Variants in CSPP1 observed in about 807,000 individuals in gnomAD.
CSPP1 encodes centrosome and spindle pole-associated protein 1.
CSPP1 carries 126 observed loss-of-function variants against 164.4 expected under a neutral mutation model. The ratio of observed to expected loss-of-function variants is 0.77; its 90% CI spans 0.66 to 0.89. The LOEUF is 0.89. Among genes scored for constraint, CSPP1 ranks in the 40% least tolerant of loss-of-function variants. The pLI, the probability that CSPP1 is intolerant of heterozygous loss-of-function variation, is 0.00. For synonymous variants in CSPP1, 472 were observed against 476.7 expected, an observed-to-expected ratio of 0.99 and a Z score of 0.13; for missense variants, 1,395 against 1,449.8, an observed-to-expected ratio of 0.96 and a Z score of 0.61.
At chr8:67,069,056 C>T (rs2129539848) in intron 1 of CSPP1, 1 of 152,348 alleles carries the variant, frequency 6.6e-6, no homozygotes, top group South Asian at 2.1e-4. Flanking sequence ...AAGCCTTCCC[C>T]CAAATCACCC....
chr8:67,113,914 A>T (rs2129550410), intron 11 of CSPP1, 52 bp downstream of exon 11: 2 of 1,080,810 alleles, frequency 1.9e-6, no homozygotes, highest in East Asian at 4.8e-5. Context: ...AATGATCCTC[A>T]AATGTGGTGG....
intron 26 of CSPP1, among the ~76,000 whole-genome samples, chr8:67,177,070 CA>C (rs36084458): frequency 0.07 from 3,649 of 51,948 alleles, 24 homozygotes; most frequent in African/African-American, 0.14. Flanking sequence ...GACTTAGTCT[CA>C]AAAAAAAAAA....
intron 7 of CSPP1, chr8:67,099,358 G>A (rs1014555732): frequency 2.0e-5 from 3 of 152,114 alleles, no homozygotes; most frequent in African/African-American, 4.8e-5. Context: ...TGGAAACTAA[G>A]TAGGCTTGGA....
At chr8:67,188,380 T>TTGTAACACAGGGCTTGTAA (rs1249543044) in intron 28 of CSPP1, among the ~76,000 whole-genome samples, 1 of 152,138 alleles carries the variant, frequency 6.6e-6, no homozygotes, top group Non-Finnish European at 1.5e-5. Flanking sequence ...GTAACTCAGC[T>TTGTAACACAGGGCTTGTAA]CACACCCAAC....
At chr8:67,175,212 C>A in intron 25 of CSPP1, 84 bp from the exon 26 acceptor site, 1 of 959,560 alleles carries the variant, frequency 1.0e-6, no homozygotes, top group Non-Finnish European at 1.6e-6. Flanking sequence ...AATTAGGTTA[C>A]TCATGTTACT....
At chr8:67,150,250 A>G (rs1825452659) in intron 18 of CSPP1, among the ~76,000 whole-genome samples, 1 of 152,200 alleles carries the variant, frequency 6.6e-6, no homozygotes, top group Non-Finnish European at 1.5e-5. Context: ...TTTTACACAC[A>G]TACACAATTT....
intron 17 of CSPP1, among the ~76,000 whole-genome samples, chr8:67,141,684 C>G (rs917442540): frequency 1.3e-5 from 2 of 152,068 alleles, no homozygotes; most frequent in East Asian, 3.9e-4. Flanking sequence ...ACCACGCCCC[C>G]CTAATTTTGT....
In CSPP1 at chr8:67,095,721, T is replaced by C; in HGVS notation, c.912T>C (p.Tyr304=). 6.4e-7 allele frequency: 1 copy of C among 1,564,174 alleles called. No individual in the cohort carries two copies. The highest frequency in any genetic ancestry group is 2.2e-5 in the East Asian group (1 of 44,446). Reference sequence around the variant, plus strand: ...TTGATAGAAGACTTTCGAGAGTGTATACAAATGACAGGTATTTACAACTTC... The same window carrying C: ...TTGATAGAAGACTTTCGAGAGTGTACACAAATGACAGGTATTTACAACTTC... ...SDFDRRLSRV[Y]TNDRMHRNKR... The change falls in exon 7 of 31, where the codon TAT becomes TAC. Residue 304 remains tyrosine (Y), a synonymous_variant. Transcript: ENST00000678616.
At chr8:67,182,251 C>T (rs371315749) in intron 28 of CSPP1, among the ~76,000 whole-genome samples, 9 of 152,206 alleles carry the variant, frequency 5.9e-5, no homozygotes, top group East Asian at 3.9e-4. Context: ...GATCCTCCTG[C>T]GGCCTCCCAA....
chr8:67,186,970 C>CATCTATCTATCT lies in CSPP1; in HGVS notation c.3221-3646_3221-3635dup, dbSNP rs59504632. ...AATACTGAGGTATAAATCTATCTAT[C>CATCTATCTATCT]ATCTATCTATCTATCTATCTATCTA... On this transcript the variant is annotated intron_variant, in intron 28 of 30. Coordinates refer to ENST00000678616, the MANE Select transcript of CSPP1 (RefSeq NM_001382391.1). 8.8e-3 allele frequency among the ~76,000 whole-genome samples: 1,318 copies of CATCTATCTATCT among 149,860 alleles called. 11 individuals are homozygous for CATCTATCTATCT. The highest frequency in any genetic ancestry group is 0.018 in the East Asian group (90 of 5,026).
chr8:67,112,293 T>C (rs1281353214), intron 10 of CSPP1, among the ~76,000 whole-genome samples: 4 of 151,080 alleles, frequency 2.6e-5, no homozygotes, highest in Admixed American at 2.0e-4. Context: ...TATTCTGTAA[T>C]AGCCCTTTTA....
At chr8:67,175,466 G>A (rs762942654) in intron 26 of CSPP1, 30 bp downstream of exon 26, 3 of 1,613,224 alleles carry the variant, frequency 1.9e-6, no homozygotes, top group South Asian at 2.2e-5. Flanking sequence ...GTGTCAAATA[G>A]TATCAGCACG....
chr8:67,134,463 T>C (rs1821835826), intron 16 of CSPP1: 1 of 151,896 alleles, frequency 6.6e-6, no homozygotes, highest in South Asian at 2.1e-4. Flanking sequence ...CTTAAAATAC[T>C]CAGTAAACCA....
intron 24 of CSPP1, among the ~76,000 whole-genome samples, chr8:67,172,073 T>G (rs1236925972): frequency 6.6e-6 from 1 of 151,182 alleles, no homozygotes; most frequent in Non-Finnish European, 1.5e-5. Flanking sequence ...GGTCTCGAAC[T>G]CCTGACCTCA....
At chr8:67,126,151 A>G (rs1387860027) in intron 15 of CSPP1, among the ~76,000 whole-genome samples, 1 of 152,144 alleles carries the variant, frequency 6.6e-6, no homozygotes, top group Admixed American at 6.5e-5. Flanking sequence ...CTTTAGATAC[A>G]TATTTTTTAG....
At chr8:67,145,419 T>C (rs1335231838) in intron 17 of CSPP1, among the ~76,000 whole-genome samples, 1 of 152,176 alleles carries the variant, frequency 6.6e-6, no homozygotes, top group Non-Finnish European at 1.5e-5. Context: ...TGATTTTTTT[T>C]CTCTGCTTTT....
In CSPP1 at chr8:67,158,094, A is replaced by T. The variant is rs368816202; in HGVS notation, c.2242-353A>T. On this transcript the variant is annotated intron_variant, in intron 19 of 30. Transcript: ENST00000678616. ...TATAATCATGAATTAGTTGCTTAGA[A>T]CCTTCTATATAGGAGGACTTTTATG... is the stretch of plus-strand genomic sequence containing the variant. Among the ~76,000 whole-genome samples the T allele has an allele frequency of 2.0e-5, 3 of 152,228 alleles. No individual in the cohort carries two copies. The South Asian group carries it at 6.2e-4, about 31-fold the overall frequency.
chr8:67,104,977 T>A (rs1471966908), intron 8 of CSPP1, among the ~76,000 whole-genome samples: 1 of 144,848 alleles, frequency 6.9e-6, no homozygotes, highest in African/African-American at 2.5e-5. Flanking sequence ...TTTTTTTTTT[T>A]TTTTTTTTTT....
intron 26 of CSPP1, among the ~76,000 whole-genome samples, chr8:67,176,338 A>G (rs1488821344): frequency 6.6e-6 from 1 of 152,174 alleles, no homozygotes; most frequent in Non-Finnish European, 1.5e-5. Flanking sequence ...TGGCTTGCAG[A>G]ATCTGAGGAA....
Sources: gnomAD v4.1 joint callset for allele counts (sites outside exome capture counted in the v4.1 genomes callset) on GRCh38, gnomAD v4.1.1 for gene constraint, MANE v1.5 for transcripts, NCBI Gene and HGNC (gene_info 2026-07-23, HGNC 2026-07-21) for gene names.